PAPPA2: variants seen among roughly 807,000 people sequenced by gnomAD.
The protein encoded by PAPPA2 is pappalysin-2.
Under a neutral mutation model 176.4 loss-of-function variants are expected in PAPPA2, and 86 were observed. The ratio of observed to expected loss-of-function variants is 0.49; its 90% CI spans 0.41 to 0.58. The LOEUF is 0.58. PAPPA2 is among the 20% of genes least tolerant of loss of function. The probability of loss-of-function intolerance (pLI) is 0.00; values close to 1 mark genes in which losing one functional copy is unlikely to be tolerated. For missense variants in PAPPA2, 2,073 were observed against 2,256.9 expected (o/e 0.92, Z 1.65); for synonymous variants, 809 against 852.2 (o/e 0.95, Z 0.88).
At chr1:176,529,863 T>G (rs766499012) in intron 1 of PAPPA2, among the ~76,000 whole-genome samples, 2 of 152,176 alleles carry the variant, frequency 1.3e-5, no homozygotes, top group African/African-American at 2.4e-5. Context: ...AGGCCAAGTT[T>G]TTTTCCCCCT....
At chr1:176,585,321 A>C (rs536379852) in intron 2 of PAPPA2, among the ~76,000 whole-genome samples, 21 of 150,190 alleles carry the variant, frequency 1.4e-4, no homozygotes, top group African/African-American at 4.9e-4. Flanking sequence ...ATTTCATTCC[A>C]TTCTTTCTGG....
chr1:176,739,094 A>G lies in PAPPA2; in HGVS notation c.3799-532A>G, dbSNP rs921053900. On this transcript the variant is annotated intron_variant, in intron 12 of 22. Transcript: ENST00000367662. ...GAAGCAAGAGACTCTGCCACAGCAT[A>G]TCTCCCATGTCAGAGTTCACATGCT... Among the ~76,000 whole-genome samples the G allele has an allele frequency of 2.0e-5, 3 of 152,236 alleles. No homozygotes were observed. In the South Asian group the frequency reaches 6.2e-4, roughly 32 times the overall value.
intron 14 of PAPPA2, among the ~76,000 whole-genome samples, chr1:176,745,115 C>G (rs940379525): frequency 6.6e-6 from 1 of 152,148 alleles, no homozygotes; most frequent in African/African-American, 2.4e-5. Flanking sequence ...CAAATCCACC[C>G]TCATCACATG....
chr1:176,589,358 T>C (rs1186529490), intron 2 of PAPPA2, among the ~76,000 whole-genome samples: 1 of 152,192 alleles, frequency 6.6e-6, no homozygotes, highest in Non-Finnish European at 1.5e-5. Flanking sequence ...TCTGTTAAGA[T>C]ACACATGGTC....
At chr1:176,466,871 G>T (rs927418057) in intron 1 of PAPPA2, among the ~76,000 whole-genome samples, 1 of 152,134 alleles carries the variant, frequency 6.6e-6, no homozygotes, top group African/African-American at 2.4e-5. Flanking sequence ...CTTCCCTCTG[G>T]ACTCCACAGT....
At chr1:176,780,570 T>G (rs1664666033) in intron 17 of PAPPA2, among the ~76,000 whole-genome samples, 1 of 152,192 alleles carries the variant, frequency 6.6e-6, no homozygotes, top group Non-Finnish European at 1.5e-5. Context: ...TGGCATATCC[T>G]CCTCTGCTCC....
chr1:176,699,072 A>G, intron 7 of PAPPA2, 28 bp from the exon 8 acceptor site: 1 of 1,589,426 alleles, frequency 6.3e-7, no homozygotes, highest in Non-Finnish European at 8.6e-7. Context: ...GCTGCTACTG[A>G]TGTATCTTTC....
chr1:176,589,361 A>G (rs899780970), intron 2 of PAPPA2, among the ~76,000 whole-genome samples: 2 of 152,222 alleles, frequency 1.3e-5, no homozygotes, highest in Admixed American at 6.5e-5. Flanking sequence ...GTTAAGATAC[A>G]CATGGTCTCT....
intron 1 of PAPPA2, among the ~76,000 whole-genome samples, chr1:176,498,667 C>T (rs1251296584): frequency 6.6e-6 from 1 of 151,364 alleles, no homozygotes; most frequent in Non-Finnish European, 1.5e-5. Context: ...GGAGAATCAC[C>T]TGAACCCAGG....
chr1:176,476,546 A>G (rs779542292), intron 1 of PAPPA2, among the ~76,000 whole-genome samples: 11 of 152,230 alleles, frequency 7.2e-5, no homozygotes, highest in African/African-American at 1.2e-4. Flanking sequence ...GCAGGAGAGT[A>G]TAAAGAATCT....
chr1:176,832,379 G>A (rs1488473160), intron 21 of PAPPA2, among the ~76,000 whole-genome samples: 1 of 152,004 alleles, frequency 6.6e-6, no homozygotes, highest in African/African-American at 2.4e-5. Flanking sequence ...TTTTTTTTGA[G>A]ACAGAGTCTC....
At chr1:176,641,063 T>G (rs1326051705) in intron 3 of PAPPA2, among the ~76,000 whole-genome samples, 11 of 150,668 alleles carry the variant, frequency 7.3e-5, no homozygotes, top group African/African-American at 2.4e-4. Flanking sequence ...TAAATTTGTT[T>G]GAGTTCATTG....
intron 3 of PAPPA2, among the ~76,000 whole-genome samples, chr1:176,636,588 T>C (rs2102718319): frequency 6.6e-6 from 1 of 152,250 alleles, no homozygotes; most frequent in Admixed American, 6.6e-5. Flanking sequence ...AACTTTTTTT[T>C]CCCATCACAA....
At chr1:176,833,951 T>G (rs751437387) in intron 21 of PAPPA2, among the ~76,000 whole-genome samples, 8 of 152,162 alleles carry the variant, frequency 5.3e-5, no homozygotes, top group South Asian at 2.1e-4. Flanking sequence ...TGGACCTGTG[T>G]CTAAGTTATG....
intron 1 of PAPPA2, among the ~76,000 whole-genome samples, chr1:176,518,646 T>C (rs1460037727): frequency 6.6e-6 from 1 of 152,202 alleles, no homozygotes; most frequent in Non-Finnish European, 1.5e-5. Context: ...TTTTTAAGGC[T>C]AAACTCAGGA....
intron 21 of PAPPA2, among the ~76,000 whole-genome samples, chr1:176,818,414 T>G (rs567531895): frequency 6.6e-6 from 1 of 152,328 alleles, no homozygotes; most frequent in South Asian, 2.1e-4. Context: ...CAATGGTTTC[T>G]TGTTTCTCTG....
At chr1:176,560,123 G>C (rs1558437587) in intron 2 of PAPPA2, among the ~76,000 whole-genome samples, 1 of 152,188 alleles carries the variant, frequency 6.6e-6, no homozygotes. Flanking sequence ...TCCTCTCCCA[G>C]AATGTTGTTC....
chr1:176,623,627 T>TTCTTTC (rs1655748315), intron 3 of PAPPA2, among the ~76,000 whole-genome samples: 1 of 81,904 alleles, frequency 1.2e-5, no homozygotes, highest in African/African-American at 5.8e-5. Flanking sequence ...TCCTTCCTTT[T>TTCTTTC]TTACTTTCTT....
At chr1:176,614,949 A>G (rs761601518) in intron 3 of PAPPA2, among the ~76,000 whole-genome samples, 15 of 152,138 alleles carry the variant, frequency 9.9e-5, no homozygotes, top group Non-Finnish European at 2.1e-4. Context: ...CTTTTTTTGT[A>G]AGTGAGATTG....
Sources: gnomAD v4.1 joint callset for allele counts (sites outside exome capture counted in the v4.1 genomes callset) on GRCh38, gnomAD v4.1.1 for gene constraint, MANE v1.5 for transcripts, NCBI Gene and HGNC (gene_info 2026-07-23, HGNC 2026-07-21) for gene names.